Variants in MTPAP observed in about 807,000 individuals in gnomAD.
MTPAP encodes the protein poly(A) RNA polymerase, mitochondrial.
Under a neutral mutation model 48.7 loss-of-function variants are expected in MTPAP, and 23 were observed. The observed-to-expected ratio is 0.47, with a 90% confidence interval of 0.34 to 0.67. MTPAP has a LOEUF of 0.67. MTPAP is among the 30% of genes least tolerant of loss of function. The pLI, the probability that MTPAP is intolerant of heterozygous loss-of-function variation, is 0.01. For synonymous variants in MTPAP, 257 were observed against 254.1 expected, an observed-to-expected ratio of 1.01 and a Z score of -0.11; for missense variants, 614 against 694.3, an observed-to-expected ratio of 0.88 and a Z score of 1.30.
chr10:30,314,086 A>G, intron 8 of MTPAP, 115 bp from the exon 9 acceptor site: 1 of 1,196,812 alleles, frequency 8.4e-7, no homozygotes, highest in Non-Finnish European at 1.2e-6. Context: ...AACTTTACAT[A>G]GCAAAGAATT....
intron 1 of MTPAP, among the ~76,000 whole-genome samples, chr10:30,347,135 C>T (rs1834882937): frequency 6.6e-6 from 1 of 152,068 alleles, no homozygotes; most frequent in African/African-American, 2.4e-5. Flanking sequence ...AATAATACAC[C>T]ATGTACTCTT....
chr10:30,347,404 C>G (rs959808300), intron 1 of MTPAP, among the ~76,000 whole-genome samples: 5 of 152,204 alleles, frequency 3.3e-5, no homozygotes, highest in African/African-American at 1.2e-4. Flanking sequence ...TCACATGCTT[C>G]TAGGTGAGTA....
chr10:30,345,594 C>T (rs1036689060), intron 1 of MTPAP, among the ~76,000 whole-genome samples: 2 of 152,090 alleles, frequency 1.3e-5, no homozygotes, highest in African/African-American at 2.4e-5. Context: ...GTTGTGAAGG[C>T]GGGAACAGAA....
intron 6 of MTPAP, among the ~76,000 whole-genome samples, chr10:30,319,700 T>C: frequency 6.6e-6 from 1 of 152,226 alleles, no homozygotes; most frequent in East Asian, 1.9e-4. Flanking sequence ...AGACAAGTTC[T>C]TTTACAGCAA....
intron 4 of MTPAP, among the ~76,000 whole-genome samples, chr10:30,336,411 GA>G (rs1368662073): frequency 1.3e-5 from 2 of 151,884 alleles, no homozygotes; most frequent in Non-Finnish European, 2.9e-5. Context: ...AAAATCAAAA[GA>G]ATTTTAAAGA....
chr10:30,328,849 G>A (rs571555510), intron 4 of MTPAP, among the ~76,000 whole-genome samples: 7 of 152,196 alleles, frequency 4.6e-5, no homozygotes, highest in East Asian at 1.9e-4. Flanking sequence ...AAATCAGTGC[G>A]GGTAGGGAGG....
rs890868573 is a variant in MTPAP at position 30,319,929 on chromosome 10, T to C, written c.1219+2462A>G. On this transcript the variant is annotated intron_variant, in intron 6 of 8. Transcript: ENST00000263063. ...AATTCCAAGCTAGTTTTGCCTGTTT[T>C]GATGCTATACGATGTGAACATATTT... Among the ~76,000 whole-genome samples the C allele has an allele frequency of 2.6e-5, 4 of 152,230 alleles. No individual in the cohort carries two copies. The East Asian group carries it at 7.7e-4, about 29-fold the overall frequency.
intron 1 of MTPAP, among the ~76,000 whole-genome samples, chr10:30,342,172 G>A (rs113966594): frequency 2.3e-4 from 35 of 152,256 alleles, no homozygotes; most frequent in African/African-American, 5.8e-4. Flanking sequence ...GGTGGCAGAC[G>A]TTGCAGTGAG....
At chr10:30,328,405 G>T (rs1424721246) in intron 4 of MTPAP, among the ~76,000 whole-genome samples, 2 of 152,168 alleles carry the variant, frequency 1.3e-5, no homozygotes, top group Non-Finnish European at 2.9e-5. Context: ...ACTGAAACTT[G>T]TATACGTTGG....
Position 30,349,068 on chromosome 10 carries a change from G to C in MTPAP, c.157+51C>G, listed in dbSNP as rs372574004. On this transcript the variant is annotated intron_variant, in intron 1 of 8. Transcript: ENST00000263063. ...GGCCACGTGTTTCCCCGTGATCCCA[G>C]ACTCCTCGCCCGCTGTGGGACGGAA... The C allele has an allele frequency of 1.3e-3, 2,053 of 1,613,098 alleles. 1 individual carries two copies. Among genetic ancestry groups the C allele is most frequent in the Non-Finnish European group, 1.6e-3 (1,836 of 1,179,336 alleles).
At chr10:30,332,450 C>G (rs947531682) in intron 4 of MTPAP, among the ~76,000 whole-genome samples, 1 of 151,964 alleles carries the variant, frequency 6.6e-6, no homozygotes, top group African/African-American at 2.4e-5. Flanking sequence ...CCCACCACCA[C>G]GCCCAGCTAA....
Position 30,336,959 on chromosome 10 carries a change from A to AT in MTPAP, c.623dup (p.Tyr208Ter). The AT allele has an allele frequency of 6.2e-7, 1 of 1,613,694 alleles. No homozygotes were observed. The highest frequency in any genetic ancestry group is 8.5e-7 in the Non-Finnish European group (1 of 1,180,022). The change falls in exon 4 of 9, where the codon TAT becomes TAAT. Residue 208 changes from tyrosine (Y) to a stop codon, truncating the protein, a stop_gained and frameshift_variant. Transcript: ENST00000263063. LOFTEE classifies it high-confidence loss of function. ...TGTCTTCAATAAGAGAACAGGTGAG[A>AT]TATCGGAGCTTAGTGTTCTCCTCTG... ...QLTEENTKLR[Y>*]LTCSLIEDMA...
chr10:30,333,846 G>A (rs1045637699), intron 4 of MTPAP, among the ~76,000 whole-genome samples: 1 of 152,080 alleles, frequency 6.6e-6, no homozygotes, highest in East Asian at 1.9e-4. Flanking sequence ...AGGTTACAGT[G>A]AGCTGAGATC....
At chr10:30,333,069 C>T (rs956018867) in intron 4 of MTPAP, among the ~76,000 whole-genome samples, 1 of 151,468 alleles carries the variant, frequency 6.6e-6, no homozygotes, top group South Asian at 2.1e-4. Context: ...TGCAGTGAGC[C>T]GAGATGGCAC....
Position 30,329,957 on chromosome 10 carries a change from G to C in MTPAP, c.781-3322C>G, listed in dbSNP as rs1210489449. 2.1e-5 allele frequency among the ~76,000 whole-genome samples: 3 copies of C among 145,076 alleles called. No homozygotes were observed. In the East Asian group the frequency reaches 6.2e-4, roughly 30 times the overall value. Reference sequence around the variant, plus strand: ...TTATTATCGGTAAAGATTATGTTCTGGGTTTTTTCTTTTAAAAAAAAAAGC... The same window carrying C: ...TTATTATCGGTAAAGATTATGTTCTCGGTTTTTTCTTTTAAAAAAAAAAGC... On this transcript the variant is annotated intron_variant, in intron 4 of 8. Coordinates refer to ENST00000263063, the MANE Select transcript of MTPAP (RefSeq NM_018109.4).
intron 1 of MTPAP, among the ~76,000 whole-genome samples, chr10:30,343,809 C>T (rs1454783910): frequency 6.6e-6 from 1 of 152,022 alleles, no homozygotes; most frequent in Non-Finnish European, 1.5e-5. Context: ...CTCAAGCAGT[C>T]CTCCCTCCTT....
chr10:30,320,606 A>G (rs1330692541), intron 6 of MTPAP, among the ~76,000 whole-genome samples: 1 of 152,200 alleles, frequency 6.6e-6, no homozygotes, highest in African/African-American at 2.4e-5. Flanking sequence ...AAGGACTGCA[A>G]AAGAGGGTAA....
chr10:30,322,354 G>T, intron 6 of MTPAP, 37 bp downstream of exon 6: 1 of 1,458,464 alleles, frequency 6.9e-7, no homozygotes, highest in Non-Finnish European at 9.6e-7. Context: ...TCATAACATT[G>T]GAAAAAGAAA....
At chr10:30,322,301 A>G in intron 6 of MTPAP, 90 bp downstream of exon 6, 1 of 1,138,396 alleles carries the variant, frequency 8.8e-7, no homozygotes, top group South Asian at 1.3e-5. Flanking sequence ...TGACTAATAA[A>G]CAAATAGACG....
Sources: allele counts gnomAD v4.1 joint callset (sites outside exome capture counted in the v4.1 genomes callset), GRCh38; gene constraint gnomAD v4.1.1; transcripts MANE v1.5; gene names NCBI Gene and HGNC (gene_info 2026-07-23, HGNC 2026-07-21).